The following RIMBP2 variants were observed in gnomAD, a reference collection of about 807,000 sequenced individuals.
RIMBP2 encodes RIMS-binding protein 2.
Under a neutral mutation model 118.6 loss-of-function variants are expected in RIMBP2, and 48 were observed. That is an observed-to-expected ratio of 0.40 (90% CI 0.32 to 0.51). The LOEUF (loss-of-function observed/expected upper bound fraction) is 0.51, where lower values mean the gene tolerates loss of function less well. Among genes scored for constraint, RIMBP2 ranks in the 20% least tolerant of loss-of-function variants. The probability of loss-of-function intolerance (pLI) is 0.41; values close to 1 mark genes in which losing one functional copy is unlikely to be tolerated. For synonymous variants in RIMBP2, 762 were observed against 742.9 expected, an observed-to-expected ratio of 1.03 and a Z score of -0.42; for missense variants, 1,551 against 1,768.3, an observed-to-expected ratio of 0.88 and a Z score of 2.20.
intron 2 of RIMBP2, among the ~76,000 whole-genome samples, chr12:130,610,551 CTTTTT>C (rs386378269): frequency 9.8e-5 from 8 of 81,546 alleles, no homozygotes; most frequent in East Asian, 6.8e-4. Flanking sequence ...AATTTTCCTG[CTTTTT>C]TTTTTTTTTT....
chr12:130,520,282 A>G (rs2051939329), intron 2 of RIMBP2, among the ~76,000 whole-genome samples: 1 of 152,174 alleles, frequency 6.6e-6, no homozygotes, highest in South Asian at 2.1e-4. Flanking sequence ...CCAACCCATG[A>G]TATCCCAATG....
At position 130,422,074 on chromosome 12, in the gene RIMBP2, GC is replaced by G. The variant is rs2076449575; in HGVS notation, c.3238+378del. Among the ~76,000 whole-genome samples the G allele has an allele frequency of 6.6e-6, 1 of 152,146 alleles. No individual in the cohort carries two copies. Among genetic ancestry groups the G allele is most frequent in the African/African-American group, 2.4e-5 (1 of 41,422 alleles). On this transcript the variant is annotated intron_variant, in intron 17 of 22. Coordinates refer to ENST00000690449, the MANE Select transcript of RIMBP2 (RefSeq NM_001393629.1). The surrounding 1 kb of genome is among the most constrained non-coding windows in gnomAD (Gnocchi z 5.2). Reference sequence around the variant, plus strand: ...GACAGGCAGCATTCCCTCGGGTGGGGCTCACAGACCCCTGAGGCACGCTGAC... The same window carrying G: ...GACAGGCAGCATTCCCTCGGGTGGGGTCACAGACCCCTGAGGCACGCTGAC...
intron 9 of RIMBP2, among the ~76,000 whole-genome samples, chr12:130,449,673 G>T (rs2078831851): frequency 6.6e-6 from 1 of 152,112 alleles, no homozygotes; most frequent in South Asian, 2.1e-4. Context: ...TTTGGAAACA[G>T]TCTTTGCAAA....
chr12:130,399,085 C>T, intron 22 of RIMBP2: 1 of 1,288,526 alleles, frequency 7.8e-7, no homozygotes, highest in Non-Finnish European at 1.0e-6. Context: ...AAGTTGGTAT[C>T]TTTATCGGTA....
At chr12:130,547,065 T>C (rs1392710225) in intron 2 of RIMBP2, among the ~76,000 whole-genome samples, 1 of 152,242 alleles carries the variant, frequency 6.6e-6, no homozygotes. Context: ...CCTGTCCCCC[T>C]ACTTCCACTG....
At chr12:130,597,659 G>A (rs200154406) in intron 2 of RIMBP2, among the ~76,000 whole-genome samples, 7 of 152,298 alleles carry the variant, frequency 4.6e-5, no homozygotes, top group South Asian at 4.1e-4. Context: ...CTAACTAGAC[G>A]TGCACACGAA....
chr12:130,439,495 G>A, intron 11 of RIMBP2, among the ~76,000 whole-genome samples: 1 of 148,822 alleles, frequency 6.7e-6, no homozygotes, highest in African/African-American at 2.5e-5. Context: ...GTATGTGTGT[G>A]TGCGTGTCTG....
chr12:130,646,134 C>T (rs2062903204), intron 1 of RIMBP2, among the ~76,000 whole-genome samples: 1 of 112,496 alleles, frequency 8.9e-6, no homozygotes, highest in Non-Finnish European at 2.0e-5. Flanking sequence ...TGCCTCTCCA[C>T]CTCCCTCACC....
At chr12:130,398,195 G>A (rs1274287599) in intron 22 of RIMBP2, 1 of 152,236 alleles carries the variant, frequency 6.6e-6, no homozygotes, top group African/African-American at 2.4e-5. Flanking sequence ...GCGCTTAATA[G>A]TGCTTCAGAG....
chr12:130,660,895 C>T (rs73159161), intron 1 of RIMBP2, among the ~76,000 whole-genome samples: 6,256 of 152,284 alleles, frequency 0.041, 181 homozygotes, highest in Non-Finnish European at 0.062. Context: ...ACACCACCCA[C>T]CTGCCCTCTA....
At position 130,455,595 on chromosome 12, in the gene RIMBP2, C is replaced by T. The variant is rs1425119450; in HGVS notation, c.358+901G>A. On this transcript the variant is annotated intron_variant, in intron 7 of 22. Coordinates refer to ENST00000690449, the MANE Select transcript of RIMBP2 (RefSeq NM_001393629.1). ...AGGGCATGGGAAGGCGTGGGACGAGCGGAGAGGCAGGAGAATGTTTTTTAG... is the reference window on the plus strand; with the variant it reads ...AGGGCATGGGAAGGCGTGGGACGAGTGGAGAGGCAGGAGAATGTTTTTTAG... Among the ~76,000 whole-genome samples, 10 of 152,136 alleles carry T rather than the reference C, an allele frequency of 6.6e-5. No homozygotes were observed. In the South Asian group the frequency reaches 8.3e-4, roughly 13 times the overall value.
chr12:130,470,821 TG>T, intron 5 of RIMBP2, 78 bp from the exon 6 acceptor site: 1 of 721,316 alleles, frequency 1.4e-6, no homozygotes, highest in East Asian at 3.4e-5. Context: ...TCTGAATCAC[TG>T]GGGGTGGGGG....
chr12:130,407,670 G>T, intron 20 of RIMBP2, 56 bp downstream of exon 20: 1 of 1,372,614 alleles, frequency 7.3e-7, no homozygotes, highest in Non-Finnish European at 1.0e-6. Flanking sequence ...GGTGTACCAC[G>T]AGGGAAGGGA....
intron 17 of RIMBP2, among the ~76,000 whole-genome samples, chr12:130,418,916 C>T (rs1028893774): frequency 1.3e-5 from 2 of 152,152 alleles, no homozygotes; most frequent in Admixed American, 6.5e-5. Flanking sequence ...AGGCCAGTCC[C>T]CCAACGAAGG....
At chr12:130,594,344 T>C (rs1264356980) in intron 2 of RIMBP2, among the ~76,000 whole-genome samples, 1 of 152,170 alleles carries the variant, frequency 6.6e-6, no homozygotes, top group Non-Finnish European at 1.5e-5. Context: ...ATCTAGTGGA[T>C]TATGACCAGT....
intron 2 of RIMBP2, among the ~76,000 whole-genome samples, chr12:130,572,611 C>A (rs1467794019): frequency 6.6e-6 from 1 of 151,950 alleles, no homozygotes; most frequent in African/African-American, 2.4e-5. Flanking sequence ...ATTTCCACAG[C>A]ATGATGTGCT....
At chr12:130,456,027 C>A (rs1328685457) in intron 7 of RIMBP2, among the ~76,000 whole-genome samples, 2 of 152,190 alleles carry the variant, frequency 1.3e-5, no homozygotes, top group Admixed American at 6.5e-5. Flanking sequence ...AGGTTCCAAG[C>A]ACGTCCCAAC....
At chr12:130,517,945 A>G in intron 2 of RIMBP2, 28 bp from the exon 3 acceptor site, 1 of 912,346 alleles carries the variant, frequency 1.1e-6, no homozygotes, top group South Asian at 5.0e-5. Flanking sequence ...GACATGTGAG[A>G]TGGTGCCCCC....
At chr12:130,571,061 G>A (rs1307809880) in intron 2 of RIMBP2, among the ~76,000 whole-genome samples, 1 of 152,144 alleles carries the variant, frequency 6.6e-6, no homozygotes, top group African/African-American at 2.4e-5. Flanking sequence ...GAGAAAAAAC[G>A]TGCTGCGGTC....
Sources: allele counts gnomAD v4.1 joint callset (sites outside exome capture counted in the v4.1 genomes callset), GRCh38; gene constraint gnomAD v4.1.1; non-coding constraint Gnocchi (gnomAD v3.1); transcripts MANE v1.5; gene names NCBI Gene and HGNC (gene_info 2026-07-23, HGNC 2026-07-21).